Variants in SDK1 observed in about 807,000 individuals in gnomAD.
SDK1 encodes the protein protein sidekick-1.
Under a neutral mutation model 245.5 loss-of-function variants are expected in SDK1, and 157 were observed. The ratio of observed to expected loss-of-function variants is 0.64; its 90% CI spans 0.56 to 0.73. The LOEUF is 0.73. Ranked by LOEUF, SDK1 falls within the 30% of genes least tolerant of loss-of-function variation. SDK1 has a pLI of 0.00. For synonymous variants in SDK1, 1,647 were observed against 1,278.5 expected, an observed-to-expected ratio of 1.29 and a Z score of -6.15; for missense variants, 3,583 against 3,002.3, an observed-to-expected ratio of 1.19 and a Z score of -4.52.
chr7:4,085,972 T>C (rs1216893314), intron 22 of SDK1, among the ~76,000 whole-genome samples: 1 of 152,256 alleles, frequency 6.6e-6, no homozygotes, highest in African/African-American at 2.4e-5. Flanking sequence ...AAGTTTCTGT[T>C]CATTTGTCTC....
At chr7:3,898,827 GC>G (rs1781689021) in intron 5 of SDK1, among the ~76,000 whole-genome samples, 1 of 152,086 alleles carries the variant, frequency 6.6e-6, no homozygotes, top group South Asian at 2.1e-4. Context: ...ATTTTTAAGT[GC>G]CAAGAAGTTC....
chr7:3,746,810 C>A (rs1358613971), intron 4 of SDK1, among the ~76,000 whole-genome samples: 2 of 152,156 alleles, frequency 1.3e-5, no homozygotes, highest in Non-Finnish European at 2.9e-5. Context: ...TCAAACTCAC[C>A]CATGAGGGGT....
Position 3,886,314 on chromosome 7 carries a change from AAG to A in SDK1, c.848-64605_848-64604del. Among the ~76,000 whole-genome samples the A allele has an allele frequency of 2.6e-5, 4 of 152,332 alleles. 1 individual carries two copies. The Middle Eastern group carries it at 0.014, about 518-fold the overall frequency. ...ACCAGAGAGAGAAAGCTGTTAGGCA[AAG>A]AGATAGAGATGCCGGACATAGGAAG... On this transcript the variant is annotated intron_variant, in intron 5 of 44. Coordinates refer to ENST00000404826, the MANE Select transcript of SDK1 (RefSeq NM_152744.4).
chr7:3,849,513 G>A (rs1780367608), intron 5 of SDK1, among the ~76,000 whole-genome samples: 1 of 152,180 alleles, frequency 6.6e-6, no homozygotes, highest in African/African-American at 2.4e-5. Flanking sequence ...AGGAAAATTT[G>A]TTTAACCACT....
intron 23 of SDK1, among the ~76,000 whole-genome samples, chr7:4,112,389 C>T (rs760165372): frequency 8.5e-5 from 13 of 152,170 alleles, no homozygotes; most frequent in African/African-American, 1.9e-4. Flanking sequence ...TTTGCCCTAA[C>T]GCAGCTTGCG....
intron 20 of SDK1, among the ~76,000 whole-genome samples, chr7:4,070,895 A>G (rs1473436480): frequency 6.6e-6 from 1 of 151,614 alleles, no homozygotes; most frequent in African/African-American, 2.4e-5. Context: ...ATTTTTAGTG[A>G]AGGCGGGGGT....
chr7:3,639,709 C>G (rs2128651321), intron 3 of SDK1, among the ~76,000 whole-genome samples: 1 of 152,024 alleles, frequency 6.6e-6, no homozygotes, highest in African/African-American at 2.4e-5. Context: ...GCGAACTTGG[C>G]CTATGAAAGT....
chr7:3,811,341 A>T (rs180884475), intron 4 of SDK1, among the ~76,000 whole-genome samples: 2 of 152,288 alleles, frequency 1.3e-5, no homozygotes, highest in Admixed American at 1.3e-4. Context: ...TTAAGACAGA[A>T]TATCATGGTG....
At chr7:3,888,094 C>G (rs866677847) in intron 5 of SDK1, among the ~76,000 whole-genome samples, 9 of 152,196 alleles carry the variant, frequency 5.9e-5, no homozygotes, top group Non-Finnish European at 7.3e-5. Context: ...AGAATTGGGT[C>G]AGCCTTACTG....
At chr7:3,571,175 A>G (rs1430161209) in intron 1 of SDK1, among the ~76,000 whole-genome samples, 9 of 152,092 alleles carry the variant, frequency 5.9e-5, no homozygotes, top group African/African-American at 1.9e-4. Flanking sequence ...ACTTAAATGT[A>G]ATAGCTGAAC....
intron 1 of SDK1, among the ~76,000 whole-genome samples, chr7:3,518,970 A>G (rs916965024): frequency 6.6e-6 from 1 of 152,186 alleles, no homozygotes; most frequent in African/African-American, 2.4e-5. Flanking sequence ...GCCATAAAAA[A>G]AAAAAGGAAG....
At chr7:3,518,111 C>G (rs1782808429) in intron 1 of SDK1, among the ~76,000 whole-genome samples, 1 of 151,986 alleles carries the variant, frequency 6.6e-6, no homozygotes, top group African/African-American at 2.4e-5. Context: ...TTTGTTTCCC[C>G]TAGAAGATAA....
chr7:3,693,785 A>C (rs1165726322), intron 4 of SDK1, among the ~76,000 whole-genome samples: 2 of 152,044 alleles, frequency 1.3e-5, no homozygotes, highest in Admixed American at 1.3e-4. Context: ...ACTGGCCTAT[A>C]ATTTTTACCA....
chr7:4,122,730 A>G (rs1032401676), intron 25 of SDK1, among the ~76,000 whole-genome samples: 1 of 152,178 alleles, frequency 6.6e-6, no homozygotes, highest in Non-Finnish European at 1.5e-5. Context: ...AAAAGAAGCC[A>G]TGGAATGGCT....
At chr7:3,998,240 G>C (rs557583140) in intron 14 of SDK1, among the ~76,000 whole-genome samples, 3 of 152,196 alleles carry the variant, frequency 2.0e-5, no homozygotes, top group African/African-American at 7.2e-5. Context: ...ACTTGTCCCC[G>C]GCTCCTATGG....
intron 2 of SDK1, among the ~76,000 whole-genome samples, chr7:3,634,766 A>G (rs974605699): frequency 6.6e-6 from 1 of 152,208 alleles, no homozygotes; most frequent in African/African-American, 2.4e-5. Context: ...CCTTGGTGAG[A>G]CATTAGACTA....
chr7:3,369,494 C>A (rs1174018383), intron 1 of SDK1, among the ~76,000 whole-genome samples: 2 of 152,120 alleles, frequency 1.3e-5, no homozygotes, highest in Non-Finnish European at 2.9e-5. Context: ...GGCAAGCTTG[C>A]CAACTCTTAC....
chr7:4,046,378 G>C (rs143311417), intron 17 of SDK1, among the ~76,000 whole-genome samples: 39 of 152,164 alleles, frequency 2.6e-4, no homozygotes, highest in Middle Eastern at 3.4e-3. Context: ...TTCTATCTGA[G>C]AAATTTTTCC....
intron 1 of SDK1, among the ~76,000 whole-genome samples, chr7:3,588,095 G>A (rs1780749015): frequency 6.6e-6 from 1 of 152,136 alleles, no homozygotes; most frequent in Non-Finnish European, 1.5e-5. Flanking sequence ...GTGGATCTAC[G>A]AGCCCTGTAT....
Sources: allele counts gnomAD v4.1 joint callset (sites outside exome capture counted in the v4.1 genomes callset), GRCh38; gene constraint gnomAD v4.1.1; transcripts MANE v1.5; gene names NCBI Gene and HGNC (gene_info 2026-07-23, HGNC 2026-07-21).